Variants in CEP164 observed in about 807,000 individuals in gnomAD.
The protein encoded by CEP164 is centrosomal protein 164.
A neutral mutation model predicts 182.7 loss-of-function variants in CEP164; 162 were observed. The observed-to-expected ratio is 0.89, with a 90% CI of 0.78 to 1.01. CEP164 has a LOEUF of 1.01. Ranked by LOEUF, CEP164 falls within the 50% of genes least tolerant of loss-of-function variation. The probability of loss-of-function intolerance (pLI) is 0.00; values close to 1 mark genes in which losing one functional copy is unlikely to be tolerated. For synonymous variants in CEP164, 661 were observed against 690.0 expected (o/e 0.96, Z 0.66); for missense variants, 1,735 against 1,790.4 (o/e 0.97, Z 0.56).
upstream of CEP164, among the ~76,000 whole-genome samples, chr11:117,325,381 T>A (rs1013982030): frequency 6.7e-6 from 1 of 149,918 alleles, no homozygotes; most frequent in African/African-American, 2.5e-5. Flanking sequence ...CACCACAGCC[T>A]GGCCTACTTT....
In CEP164 at chr11:117,396,582, C is replaced by T. The variant is rs1261984137; in HGVS notation, c.3249C>T (p.Ser1083=). Residue 1083 remains serine (S), a synonymous_variant, in exon 26 of 33, where the codon TCC becomes TCT. Transcript: ENST00000278935. ...NQTKEVSSSL[S]QSKEDLYLDS... ...CCAAAGAGGTGTCTTCTTCTCTCTC[C>T]CAGAGCAAGGAGGACTTATACTTGG... The T allele has an allele frequency of 1.2e-6, 2 of 1,613,690 alleles. No individual in the cohort carries two copies. The highest frequency in any genetic ancestry group is 1.7e-6 in the Non-Finnish European group (2 of 1,179,712).
Position 117,392,920 on chromosome 11 carries a change from T to C in CEP164, c.2494-84T>C, listed in dbSNP as rs1265979432. ...TGTGTTGGGGGAGATTGGGGAAATGTGTGTAAGACCTTCAGGTGCAGCAGG... is the reference window on the plus strand; with the variant it reads ...TGTGTTGGGGGAGATTGGGGAAATGCGTGTAAGACCTTCAGGTGCAGCAGG... On this transcript the variant is annotated intron_variant, in intron 19 of 32. Transcript: ENST00000278935. The C allele has an allele frequency of 1.9e-6, 3 of 1,583,112 alleles. No homozygotes were observed. The East Asian group carries it at 6.7e-5, about 36-fold the overall frequency.
At chr11:117,380,075 G>T (rs1279625956) in intron 11 of CEP164, among the ~76,000 whole-genome samples, 1 of 151,918 alleles carries the variant, frequency 6.6e-6, no homozygotes, top group Non-Finnish European at 1.5e-5. Context: ...GCCAGGTGGT[G>T]CCCTTTTTGT....
intron 1 of CEP164, among the ~76,000 whole-genome samples, chr11:117,329,629 T>C (rs1039244028): frequency 4.6e-5 from 7 of 152,014 alleles, no homozygotes; most frequent in African/African-American, 1.7e-4. Flanking sequence ...GCAGTCTCAG[T>C]CTCCTGGGTT....
intron 27 of CEP164, among the ~76,000 whole-genome samples, chr11:117,405,150 C>T (rs2046533278): frequency 1.3e-5 from 2 of 152,110 alleles, no homozygotes; most frequent in East Asian, 1.9e-4. Context: ...GCCCCGTTTC[C>T]AGAGGAGTGA....
chr11:117,334,456 A>T (rs2036716631), intron 1 of CEP164, among the ~76,000 whole-genome samples: 1 of 152,186 alleles, frequency 6.6e-6, no homozygotes, highest in African/African-American at 2.4e-5. Flanking sequence ...ATGATCCATG[A>T]ATTCAGATTT....
chr11:117,371,769 C>G (rs2042215575), intron 9 of CEP164, among the ~76,000 whole-genome samples: 1 of 151,210 alleles, frequency 6.6e-6, no homozygotes, highest in African/African-American at 2.4e-5. Context: ...CTTACATCCT[C>G]TCCTGCTTCC....
Position 117,371,262 on chromosome 11 carries a change from T to A in CEP164, c.948T>A (p.Asn316Lys), listed in dbSNP as rs774874679. ...CTGGTCTTCCAGAAAAAGAGGAAAA[T>A]GAGAAGAGTGAACCTAAGATTTGCA... ...ARPGLPEKEE[N>K]EKSEPKICRN... Residue 316 changes from asparagine (N) to lysine (K), a missense_variant, in exon 9 of 33, where the codon AAT becomes AAA. Transcript: ENST00000278935. The A allele has an allele frequency of 3.7e-6, 6 of 1,613,702 alleles. No individual in the cohort carries two copies. The East Asian group carries it at 1.1e-4, about 30-fold the overall frequency.
In CEP164 at chr11:117,412,086, C is replaced by T. The variant is rs2047426471; in HGVS notation, c.4301C>T (p.Ser1434Leu). ...KNDPRLPLFS[S>L]TPKPKATLSL... Reference sequence around the variant, plus strand: ...CTTGTGGCCAGACCTCTCTTCTCGTCAACACCCAAGCCAAAAGCTACTTTG... The same window carrying T: ...CTTGTGGCCAGACCTCTCTTCTCGTTAACACCCAAGCCAAAAGCTACTTTG... Residue 1434 changes from serine (S) to leucine (L), a missense_variant, in exon 33 of 33, where the codon TCA (serine) becomes TTA (leucine). Transcript: ENST00000278935. 1 of 1,614,150 alleles carries T rather than the reference C, an allele frequency of 6.2e-7. No homozygotes were observed. Among genetic ancestry groups the T allele is most frequent in the Non-Finnish European group, 8.5e-7 (1 of 1,180,010 alleles).
At chr11:117,325,204 C>T (rs893097098), upstream of CEP164, among the ~76,000 whole-genome samples, 2 of 152,134 alleles carry the variant, frequency 1.3e-5, no homozygotes, top group East Asian at 1.9e-4. Flanking sequence ...CCTGCCTCAG[C>T]CTCCCAAGTA....
intron 11 of CEP164, among the ~76,000 whole-genome samples, chr11:117,377,259 A>C (rs906138158): frequency 2.0e-5 from 3 of 152,190 alleles, no homozygotes; most frequent in Non-Finnish European, 4.4e-5. Flanking sequence ...GCATGCACAG[A>C]TCACGATAGG....
intron 1 of CEP164, among the ~76,000 whole-genome samples, chr11:117,331,887 A>G (rs1264854925): frequency 2.0e-5 from 3 of 150,756 alleles, no homozygotes; most frequent in Admixed American, 1.3e-4. Flanking sequence ...TACACTCTTT[A>G]TGTAACTCTG....
At chr11:117,369,304 C>T (rs1007451982) in intron 8 of CEP164, among the ~76,000 whole-genome samples, 9 of 152,328 alleles carry the variant, frequency 5.9e-5, no homozygotes, top group Admixed American at 2.6e-4. Context: ...ATGGGGTAAG[C>T]ACTACTACAT....
chr11:117,388,605 C>T (rs1429092694), intron 15 of CEP164, among the ~76,000 whole-genome samples: 1 of 152,066 alleles, frequency 6.6e-6, no homozygotes, highest in African/African-American at 2.4e-5. Flanking sequence ...GCAGGCTGGC[C>T]CTTAGCTTCT....
At chr11:117,410,468 T>G in intron 30 of CEP164, 1 of 272,166 alleles carries the variant, frequency 3.7e-6, no homozygotes, top group Non-Finnish European at 7.0e-6. Flanking sequence ...ACAAACTCAG[T>G]TGTGACCCCA....
chr11:117,351,809 A>G lies in CEP164; in HGVS notation c.214A>G (p.Ile72Val), dbSNP rs775054558. 5.0e-6 allele frequency: 8 copies of G among 1,612,592 alleles called. No individual in the cohort carries two copies. Among genetic ancestry groups the G allele is most frequent in the Non-Finnish European group, 2.5e-6 (3 of 1,179,812 alleles). ...CCCCAGCCAGGACATCACAGGTGAC[A>G]TTTACTATTTCAACTTCGCCAACGG... ...WKPCQDITGD[I>V]YYFNFANGQS... The change falls in exon 5 of 33, where the codon ATT (isoleucine) becomes GTT (valine). Residue 72 changes from isoleucine (I) to valine (V), a missense_variant. Coordinates refer to ENST00000278935, the MANE Select transcript of CEP164 (RefSeq NM_014956.5).
At position 117,402,471 on chromosome 11, in the gene CEP164, G is replaced by A. The variant is rs190193301; in HGVS notation, c.3501+5158G>A. On this transcript the variant is annotated intron_variant, in intron 27 of 32. Transcript: ENST00000278935. Reference sequence around the variant, plus strand: ...CCTGACCTCATGATCCTCCTGGCTCGGCCTCCCAAAGTGTTGGGATTACAG... The same window carrying A: ...CCTGACCTCATGATCCTCCTGGCTCAGCCTCCCAAAGTGTTGGGATTACAG... Among the ~76,000 whole-genome samples, 354 of 152,042 alleles carry A rather than the reference G, an allele frequency of 2.3e-3. 5 individuals are homozygous for A. The highest frequency in any genetic ancestry group is 7.7e-4 in the Non-Finnish European group (52 of 67,960).
chr11:117,371,200 G>A lies in CEP164; in HGVS notation c.886G>A (p.Ala296Thr). The A allele has an allele frequency of 6.2e-7, 1 of 1,614,224 alleles. No homozygotes were observed. The highest frequency in any genetic ancestry group is 8.5e-7 in the Non-Finnish European group (1 of 1,180,038). Residue 296 changes from alanine to threonine, a missense_variant, in exon 9 of 33, where the codon GCT becomes ACT. Coordinates refer to ENST00000278935, the MANE Select transcript of CEP164 (RefSeq NM_014956.5). The part of the protein sequence containing the change: ...SPGADSSLSS[A>T]VGKGRQGSGA... ...AGGTGCAGACAGCAGTCTGAGCAGT[G>A]CTGTTGGCAAAGGGCGACAGGGAAG...
At chr11:117,337,061 A>C (rs1358888131) in intron 2 of CEP164, among the ~76,000 whole-genome samples, 2 of 152,088 alleles carry the variant, frequency 1.3e-5, no homozygotes, top group Non-Finnish European at 1.5e-5. Flanking sequence ...TGGAGCTAGA[A>C]ACCTTGGATT....
Sources: allele counts gnomAD v4.1 joint callset (sites outside exome capture counted in the v4.1 genomes callset), GRCh38; gene constraint gnomAD v4.1.1; transcripts MANE v1.5; gene names NCBI Gene and HGNC (gene_info 2026-07-23, HGNC 2026-07-21).